The following NLGN4X variants were observed in gnomAD, a reference collection of about 807,000 sequenced individuals.
The protein encoded by NLGN4X is neuroligin-4, X-linked.
NLGN4X carries 3 observed loss-of-function variants against 40.3 expected under a neutral mutation model. The observed-to-expected ratio is 0.07, with a 90% CI of 0.03 to 0.19. The LOEUF is 0.19. NLGN4X is among the 10% of genes least tolerant of loss of function. The pLI is 1.00. For synonymous variants in NLGN4X, 270 were observed against 306.8 expected (o/e 0.88, Z 1.25); for missense variants, 382 against 708.3 (o/e 0.54, Z 5.23).
rs2034384875 is a variant in NLGN4X at position 5,953,501 on chromosome X, T to C, written c.626-44262A>G. Among the ~76,000 whole-genome samples the C allele has an allele frequency of 2.7e-5, 3 of 112,008 alleles. No individual in the cohort carries two copies. The Admixed American group carries it at 2.8e-4, about 11-fold the overall frequency. Reference sequence around the variant, plus strand: ...TTAACACAGAGAAGGGATAAATACTTGAGGTGATGAATGCCCCAATTACCC... The same window carrying C: ...TTAACACAGAGAAGGGATAAATACTCGAGGTGATGAATGCCCCAATTACCC... On this transcript the variant is annotated intron_variant, in intron 3 of 5. Coordinates refer to ENST00000381095, the MANE Select transcript of NLGN4X (RefSeq NM_181332.3).
chrX:5,925,899 T>TAC (rs1555921219), intron 3 of NLGN4X, among the ~76,000 whole-genome samples: 2 of 31,307 alleles, frequency 6.4e-5, no homozygotes, highest in Non-Finnish European at 9.4e-5. Context: ...TATATATATA[T>TAC]ATATATATAT....
At chrX:6,223,956 T>C (rs2147912672) in intron 1 of NLGN4X, among the ~76,000 whole-genome samples, 1 of 112,595 alleles carries the variant, frequency 8.9e-6, no homozygotes, top group Admixed American at 9.4e-5. Flanking sequence ...TGAACATATT[T>C]CCCCATTTGG....
intron 2 of NLGN4X, among the ~76,000 whole-genome samples, chrX:6,050,810 A>T (rs374563717): frequency 2.0e-3 from 103 of 50,903 alleles, no homozygotes; most frequent in African/African-American, 6.0e-3. Flanking sequence ...TATCTATCTA[A>T]CTATCTATAT....
chrX:6,076,623 C>T (rs775523583), intron 2 of NLGN4X, among the ~76,000 whole-genome samples: 1 of 112,163 alleles, frequency 8.9e-6, no homozygotes, highest in South Asian at 3.8e-4. Context: ...TGCTCTGAGA[C>T]CAGAGTTGTG....
intron 1 of NLGN4X, among the ~76,000 whole-genome samples, chrX:6,161,767 G>A (rs1372698081): frequency 2.7e-5 from 3 of 109,788 alleles, no homozygotes; most frequent in African/African-American, 6.6e-5. Context: ...ATATAAATAC[G>A]TGGAAAGAGA....
At chrX:6,194,064 C>A (rs1569292380) in intron 1 of NLGN4X, among the ~76,000 whole-genome samples, 1 of 111,245 alleles carries the variant, frequency 9.0e-6, no homozygotes, top group Non-Finnish European at 1.9e-5. Context: ...TGTCTATGGT[C>A]CCAGCGGACT....
At chrX:5,991,489 T>C in intron 3 of NLGN4X, 1 of 520,689 alleles carries the variant, frequency 1.9e-6, no homozygotes, top group Non-Finnish European at 3.5e-6. Context: ...CTGACAACGA[T>C]GCTTGCAGTT....
At chrX:6,203,404 C>T (rs372390186) in intron 1 of NLGN4X, among the ~76,000 whole-genome samples, 28 of 112,428 alleles carry the variant, frequency 2.5e-4, no homozygotes, top group East Asian at 1.1e-3. Context: ...CAATTAACAC[C>T]TTCCTGGAAT....
chrX:6,178,395 C>A (rs912528986), intron 1 of NLGN4X, among the ~76,000 whole-genome samples: 9 of 111,606 alleles, frequency 8.1e-5, no homozygotes, highest in African/African-American at 2.9e-4. Flanking sequence ...AATACATTGA[C>A]TTTTCAAACT....
intron 4 of NLGN4X, among the ~76,000 whole-genome samples, chrX:5,905,740 C>T (rs1175479977): frequency 8.9e-6 from 1 of 112,180 alleles, no homozygotes; most frequent in Admixed American, 9.4e-5. Context: ...AGTGCAGTGG[C>T]GGGATCTTGG....
chrX:6,182,460 T>C (rs1387340130), intron 1 of NLGN4X, among the ~76,000 whole-genome samples: 1 of 111,723 alleles, frequency 9.0e-6, no homozygotes, highest in Non-Finnish European at 1.9e-5. Flanking sequence ...AGAGGCCAAC[T>C]AAGATGACCC....
chrX:6,082,778 A>T (rs1008745183), intron 2 of NLGN4X, among the ~76,000 whole-genome samples: 2 of 108,791 alleles, frequency 1.8e-5, no homozygotes, highest in Non-Finnish European at 3.8e-5. Context: ...GGGTGTGCTG[A>T]GGGAACTGTG....
intron 1 of NLGN4X, among the ~76,000 whole-genome samples, chrX:6,155,522 T>A (rs1036142325): frequency 1.8e-5 from 2 of 111,691 alleles, no homozygotes; most frequent in South Asian, 7.5e-4. Flanking sequence ...AGCCCAAAGC[T>A]CTATGCTGTT....
At position 6,141,173 on chromosome X, in the gene NLGN4X, C is replaced by T. The variant is rs2039940975; in HGVS notation, c.472+9822G>A. Among the ~76,000 whole-genome samples, 3 of 111,214 alleles carry T rather than the reference C, an allele frequency of 2.7e-5. No homozygotes were observed. In the Admixed American group the frequency reaches 2.9e-4, roughly 11 times the overall value. Reference sequence around the variant, plus strand: ...TCTGTTTGCAGTTTGGCTGTGACTGCACCAAGGAAAGGGGTGCTTAAACAT... The same window carrying T: ...TCTGTTTGCAGTTTGGCTGTGACTGTACCAAGGAAAGGGGTGCTTAAACAT... On this transcript the variant is annotated intron_variant, in intron 2 of 5. Coordinates refer to ENST00000381095, the MANE Select transcript of NLGN4X (RefSeq NM_181332.3).
intron 2 of NLGN4X, among the ~76,000 whole-genome samples, chrX:6,041,560 T>C (rs2037156424): frequency 8.9e-6 from 1 of 111,932 alleles, no homozygotes; most frequent in South Asian, 3.8e-4. Context: ...CATCCCAACC[T>C]TCCATTCGTA....
At chrX:6,098,095 G>C (rs1724078859) in intron 2 of NLGN4X, among the ~76,000 whole-genome samples, 1 of 112,009 alleles carries the variant, frequency 8.9e-6, no homozygotes, top group Non-Finnish European at 1.9e-5. Context: ...TTTGAGACCA[G>C]CCTGGGCAAC....
At chrX:6,005,945 G>C (rs1340014777) in intron 3 of NLGN4X, among the ~76,000 whole-genome samples, 4 of 111,404 alleles carry the variant, frequency 3.6e-5, no homozygotes, top group African/African-American at 1.3e-4. Context: ...CTTTCCTCTA[G>C]GAAGTAGAGT....
At chrX:5,904,844 G>A (rs1182483148) in intron 4 of NLGN4X, among the ~76,000 whole-genome samples, 1 of 111,630 alleles carries the variant, frequency 9.0e-6, no homozygotes, top group East Asian at 2.8e-4. Flanking sequence ...ATGCCCTGTC[G>A]ATTTTTAAGG....
intron 1 of NLGN4X, chrX:6,227,289 C>G (rs1301429742): frequency 9.1e-6 from 1 of 109,865 alleles, no homozygotes; most frequent in Non-Finnish European, 1.9e-5. Flanking sequence ...TCCCCCGTCC[C>G]CACCTCGGGG....
Sources: gnomAD v4.1 joint callset for allele counts (sites outside exome capture counted in the v4.1 genomes callset) on GRCh38, gnomAD v4.1.1 for gene constraint, MANE v1.5 for transcripts, NCBI Gene and HGNC (gene_info 2026-07-23, HGNC 2026-07-21) for gene names.